Variants in OGN observed in about 807,000 individuals in gnomAD.
OGN encodes mimecan.
OGN carries 19 observed loss-of-function variants against 30.8 expected under a neutral mutation model. That is an observed-to-expected ratio of 0.62 (90% confidence interval 0.43 to 0.90). OGN has a LOEUF of 0.90. Ranked by LOEUF, OGN falls within the 40% of genes least tolerant of loss-of-function variation. The pLI, the probability that OGN is intolerant of heterozygous loss-of-function variation, is 0.00. For synonymous variants in OGN, 126 were observed against 128.3 expected (o/e 0.98, Z 0.12); for missense variants, 283 against 349.7 (o/e 0.81, Z 1.52).
rs753390090 is a variant in OGN, at chr9:92,383,619, A to G, written c.*2001T>C. Among the ~76,000 whole-genome samples the G allele has an allele frequency of 3.3e-5, 5 of 152,046 alleles. No individual in the cohort carries two copies. The highest frequency in any genetic ancestry group is 7.4e-5 in the Non-Finnish European group (5 of 67,956). ...ATATCTTCTGAATCTTGGTGGTATA[A>G]TTTGTATTGTTTATTTTGTTTTATT... On this transcript the variant is annotated 3_prime_UTR_variant, in exon 7 of 7. Coordinates refer to ENST00000375561, the MANE Select transcript of OGN (RefSeq NM_014057.5).
chr9:92,403,413 CA>C lies in OGN; in HGVS notation c.-7del, dbSNP rs751283917. 4 of 1,589,142 alleles carry C rather than the reference CA, an allele frequency of 2.5e-6. No individual in the cohort carries two copies. Among genetic ancestry groups the C allele is most frequent in the Non-Finnish European group, 3.4e-6 (4 of 1,170,120 alleles). On this transcript the variant is annotated 5_prime_UTR_variant, in exon 2 of 7. Coordinates refer to ENST00000375561, the MANE Select transcript of OGN (RefSeq NM_014057.5). Reference sequence around the variant, plus strand: ...GTAGACTGCAGAGTCTTCATTTTAGCAAAAATCAAGGTGACTGGAAGTTAAT... The same window carrying C: ...GTAGACTGCAGAGTCTTCATTTTAGCAAAATCAAGGTGACTGGAAGTTAAT...
At chr9:92,403,089 T>C in intron 2 of OGN, 145 bp downstream of exon 2, 1 of 564,312 alleles carries the variant, frequency 1.8e-6, no homozygotes, top group Non-Finnish European at 3.1e-6. Context: ...AATACAATCT[T>C]AGGGACAATT....
chr9:92,399,031 A>G (rs1843001997), intron 3 of OGN, among the ~76,000 whole-genome samples: 1 of 151,884 alleles, frequency 6.6e-6, no homozygotes, highest in Admixed American at 6.6e-5. Context: ...GCTGCACACC[A>G]GTCTGAGAGC....
chr9:92,403,496 T>A lies in OGN; in HGVS notation c.-75-14A>T. 2 of 1,493,670 alleles carry A rather than the reference T, an allele frequency of 1.3e-6. No homozygotes were observed. Among genetic ancestry groups the A allele is most frequent in the Non-Finnish European group, 1.8e-6 (2 of 1,124,644 alleles). The allele number at this position is 1,493,670 out of a possible 1,614,324, so 92.5% of individuals were successfully genotyped here. A position where few individuals can be genotyped will look rare whatever the true frequency, so the allele number is the denominator to read the frequency against. On this transcript the variant is annotated splice_polypyrimidine_tract_variant and intron_variant, in intron 1 of 6. Coordinates refer to ENST00000375561, the MANE Select transcript of OGN (RefSeq NM_014057.5). ...CTCTCTTTTTCCCTGGAAATAAAAA[T>A]TCAGACCATCGAAGCAATATTTAAA...
chr9:92,389,492 A>G, intron 5 of OGN: 1 of 158,336 alleles, frequency 6.3e-6, no homozygotes, highest in Non-Finnish European at 1.4e-5. Flanking sequence ...ATAATTTGCT[A>G]ACATTGTAAG....
chr9:92,398,566 A>C (rs1842985798), intron 3 of OGN, among the ~76,000 whole-genome samples: 2 of 151,938 alleles, frequency 1.3e-5, no homozygotes, highest in South Asian at 4.1e-4. Flanking sequence ...CACATAGTGT[A>C]TCCTGGAAAT....
chr9:92,404,407 G>T, intron 1 of OGN, 89 bp downstream of exon 1: 1 of 804,934 alleles, frequency 1.2e-6, no homozygotes, highest in Non-Finnish European at 1.7e-6. Flanking sequence ...TTAAACCAGA[G>T]ATGGCCTTTA....
chr9:92,391,123 G>A (rs949510798), intron 4 of OGN, among the ~76,000 whole-genome samples: 11 of 151,964 alleles, frequency 7.2e-5, no homozygotes, highest in South Asian at 2.1e-4. Flanking sequence ...TAGGCCAGGC[G>A]CGGTGGCTCA....
Position 92,391,468 on chromosome 9 carries a change from A to ACCT in OGN, c.428-1413_428-1412insAGG, listed in dbSNP as rs1364853829. On this transcript the variant is annotated intron_variant, in intron 4 of 6. Coordinates refer to ENST00000375561, the MANE Select transcript of OGN (RefSeq NM_014057.5). The stretch of plus-strand genomic sequence containing the variant: ...AAAACAAGTAACCAGGTGTGGTGGC[A>ACCT]CATGCCTGTAGTCTCAGCTACTTGC... Among the ~76,000 whole-genome samples the ACCT allele has an allele frequency of 5.6e-4, 85 of 152,196 alleles. 1 individual carries two copies. The highest frequency in any genetic ancestry group is 1.7e-3 in the African/African-American group (71 of 41,544).
At chr9:92,401,058 A>ATG in intron 3 of OGN, 34 bp downstream of exon 3, 1 of 984,558 alleles carries the variant, frequency 1.0e-6, no homozygotes, top group Non-Finnish European at 1.6e-6. Flanking sequence ...TATTTTTAAA[A>ATG]GATCCATTTG....
At chr9:92,387,902 G>A (rs1299674564) in intron 5 of OGN, among the ~76,000 whole-genome samples, 4 of 147,424 alleles carry the variant, frequency 2.7e-5, no homozygotes, top group African/African-American at 7.5e-5. Flanking sequence ...TAGCTGGGAC[G>A]ACAGGTGCCC....
At chr9:92,391,273 G>A (rs1842670371) in intron 4 of OGN, among the ~76,000 whole-genome samples, 1 of 151,990 alleles carries the variant, frequency 6.6e-6, no homozygotes, top group African/African-American at 2.4e-5. Context: ...CAGGCGTGGT[G>A]GCGAGCACTT....
At chr9:92,396,820 C>T (rs1006479296) in intron 3 of OGN, among the ~76,000 whole-genome samples, 50 of 152,178 alleles carry the variant, frequency 3.3e-4, no homozygotes, top group South Asian at 2.1e-4. Flanking sequence ...CCTCTTGCCT[C>T]GGCCTTCCCA....
chr9:92,393,570 T>C (rs1842774650), intron 3 of OGN, among the ~76,000 whole-genome samples: 1 of 152,206 alleles, frequency 6.6e-6, no homozygotes, highest in Non-Finnish European at 1.5e-5. Flanking sequence ...TTAAGTTTAA[T>C]GTGTGAGAAA....
At chr9:92,403,130 A>G (rs1029615798) in intron 2 of OGN, 104 bp downstream of exon 2, 40 of 693,458 alleles carry the variant, frequency 5.8e-5, no homozygotes, top group Non-Finnish European at 3.0e-5. Context: ...ATTTAAAGTG[A>G]TTTTCCCTTC....
Position 92,385,680 on chromosome 9 carries a change from C to G in OGN, c.837G>C (p.Leu279=), listed in dbSNP as rs142523561. Residue 279 remains leucine, a synonymous_variant, in exon 7 of 7, where the codon CTG becomes CTC. Coordinates refer to ENST00000375561, the MANE Select transcript of OGN (RefSeq NM_014057.5). ...AAATAAAACTGTTTGGATGCTTTCC[C>G]AGGACGATTGGATTGCCCTCCAGGC... ...EIRLEGNPIV[L]GKHPNSFICL... is the part of the protein sequence containing the mutation. 1.0e-3 allele frequency: 1,615 copies of G among 1,614,072 alleles called. 16 individuals carry two copies. The South Asian group carries it at 0.011, about 11-fold the overall frequency.
chr9:92,401,055 A>G, intron 3 of OGN, 37 bp downstream of exon 3: 2 of 971,680 alleles, frequency 2.1e-6, no homozygotes, highest in Non-Finnish European at 3.3e-6. Flanking sequence ...AGCTATTTTT[A>G]AAAGATCCAT....
intron 4 of OGN, among the ~76,000 whole-genome samples, chr9:92,390,263 G>C (rs1564292945): frequency 6.6e-6 from 1 of 152,106 alleles, no homozygotes. Context: ...TCTGACTGGA[G>C]TCCTAGAATC....
In OGN at chr9:92,383,928, T is replaced by G. The variant is rs1178949987; in HGVS notation, c.*1692A>C. 1 of 152,196 alleles carries G rather than the reference T, an allele frequency of 6.6e-6. No homozygotes were observed. The highest frequency in any genetic ancestry group is 2.4e-5 in the African/African-American group (1 of 41,472). 9.4% of individuals were successfully genotyped at this position (152,196 alleles called of 1,614,324 possible). On this transcript the variant is annotated 3_prime_UTR_variant, in exon 7 of 7. Transcript: ENST00000375561. ...AGATGACAGTCATTCAAGATTATGA[T>G]AGTTTAAAGATTCAATTTTTCCAAA...
Sources: allele counts gnomAD v4.1 joint callset (sites outside exome capture counted in the v4.1 genomes callset), GRCh38; gene constraint gnomAD v4.1.1; transcripts MANE v1.5; gene names NCBI Gene and HGNC (gene_info 2026-07-23, HGNC 2026-07-21).